AMN: variants seen among roughly 807,000 people sequenced by gnomAD.
AMN encodes the protein protein amnionless.
A neutral mutation model predicts 49.1 loss-of-function variants in AMN; 40 were observed. The observed-to-expected ratio is 0.81, with a 90% CI of 0.63 to 1.06. The LOEUF is 1.06. Among genes scored for constraint, AMN ranks in the 50% least tolerant of loss-of-function variants. The probability of loss-of-function intolerance (pLI) is 0.00; values close to 1 mark genes in which losing one functional copy is unlikely to be tolerated. For synonymous variants in AMN, 380 were observed against 313.3 expected (o/e 1.21, Z -2.25); for missense variants, 701 against 662.8 (o/e 1.06, Z -0.63).
rs1263301802 is a variant in AMN at position 102,929,235 on chromosome 14, G to A, written c.628G>A (p.Gly210Ser). The A allele has an allele frequency of 2.0e-6, 3 of 1,517,176 alleles. No individual in the cohort carries two copies. The highest frequency in any genetic ancestry group is 2.6e-6 in the Non-Finnish European group (3 of 1,142,808). 94.0% of individuals were successfully genotyped at this position (1,517,176 alleles called of 1,614,324 possible). ...CCCCGAGGACTGCGCGGACCCGTCG[G>A]GCTGCGTCTGCGGCAACGCGGAGGT... is the stretch of plus-strand genomic sequence containing the variant. ...VGPEDCADPS[G>S]CVCGNAEAQP... The change falls in exon 6 of 12, where the codon GGC becomes AGC. Residue 210 changes from glycine (G) to serine (S), a missense_variant. Physicochemically the swap from Gly to Ser is moderately conservative, Grantham distance 56 (BLOSUM62 0). Transcript: ENST00000299155.
At position 102,930,300 on chromosome 14, in the gene AMN, C is replaced by CG; in HGVS notation, c.1143dup (p.Leu382AlafsTer?). On this transcript the variant is annotated frameshift_variant, in exon 10 of 12. Coordinates refer to ENST00000299155, the MANE Select transcript of AMN (RefSeq NM_030943.4). LOFTEE classifies it high-confidence loss of function. Reference sequence around the variant, plus strand: ...CTGCTGGTCCTGCTGGTGGCGCCGCCGCTGCTGCGCCGCGCGGGGAGGCTC... The same window carrying CG: ...CTGCTGGTCCTGCTGGTGGCGCCGCCGGCTGCTGCGCCGCGCGGGGAGGCTC... 2.9e-6 allele frequency: 4 copies of CG among 1,365,466 alleles called. No individual in the cohort carries two copies. Among genetic ancestry groups the CG allele is most frequent in the Non-Finnish European group, 3.7e-6 (4 of 1,067,382 alleles). The allele number at this position is 1,365,466 out of a possible 1,614,324, so 84.6% of individuals were successfully genotyped here. A position where few individuals can be genotyped will look rare whatever the true frequency, so the allele number is the denominator to read the frequency against.
chr14:102,929,311 C>T, intron 6 of AMN, 53 bp downstream of exon 6: 1 of 1,453,682 alleles, frequency 6.9e-7, no homozygotes, highest in East Asian at 2.6e-5. Context: ...CGGGACTGTG[C>T]CCGGGACAGG....
At position 102,930,830 on chromosome 14, in the gene AMN, G is replaced by C; in HGVS notation, c.*150G>C. The C allele has an allele frequency of 1.1e-6, 1 of 886,044 alleles. No homozygotes were observed. Among genetic ancestry groups the C allele is most frequent in the Non-Finnish European group, 1.8e-6 (1 of 564,576 alleles). 54.9% of individuals were successfully genotyped at this position (886,044 alleles called of 1,614,324 possible). On this transcript the variant is annotated 3_prime_UTR_variant, in exon 12 of 12. Transcript: ENST00000299155. Reference sequence around the variant, plus strand: ...GGACAGGGTGGCCTTACTCAGTAAAGGTGTTTCCTGCACCTGCTGTCAGCC... The same window carrying C: ...GGACAGGGTGGCCTTACTCAGTAAACGTGTTTCCTGCACCTGCTGTCAGCC...
Position 102,930,637 on chromosome 14 carries a change from A to C in AMN, c.1319A>C (p.Tyr440Ser). The change falls in exon 12 of 12, where the codon TAC becomes TCC. Residue 440 changes from tyrosine to serine, a missense_variant. By Grantham distance (144) the Tyr-to-Ser change is moderately radical. Coordinates refer to ENST00000299155, the MANE Select transcript of AMN (RefSeq NM_030943.4). ...KAAADSTSHS[Y>S]FVNPLFAGAE... ...GCCGCAGACAGCACCAGCCACAGTT[A>C]CTTCGTCAACCCTCTGTTCGCCGGG... is the stretch of plus-strand genomic sequence containing the variant. 1 of 1,601,346 alleles carries C rather than the reference A, an allele frequency of 6.2e-7. No homozygotes were observed. The highest frequency in any genetic ancestry group is 8.5e-7 in the Non-Finnish European group (1 of 1,175,274).
Position 102,928,905 on chromosome 14 carries a change from C to T in AMN, c.443C>T (p.Ala148Val), listed in dbSNP as rs1483695955. The change falls in exon 5 of 12, where the codon GCC becomes GTC. Residue 148 changes from alanine to valine, a missense_variant. Ala to Val is a moderately conservative substitution (Grantham distance 64, BLOSUM62 0). Transcript: ENST00000299155. ...RHDDVFFPPS[A>V]SFRVGLGPGA... ...GACGACGTCTTCTTTCCGCCTAGTG[C>T]CTCCTTCCGCGTGGGGCTCGGCCCT... 1.9e-6 allele frequency: 3 copies of T among 1,602,800 alleles called. No individual in the cohort carries two copies. Among genetic ancestry groups the T allele is most frequent in the South Asian group, 1.1e-5 (1 of 91,080 alleles).
rs1362299073 is a variant in AMN at position 102,930,190 on chromosome 14, G to A, written c.1032G>A (p.Ala344=). The change falls in exon 10 of 12, where the codon GCG becomes GCA. Residue 344 remains alanine, a synonymous_variant. Transcript: ENST00000299155. The stretch of plus-strand genomic sequence containing the variant: ...GCGAGGCCCTCGGCGTCCTGGAGGC[G>A]ACCATGCGGGAGTCGGGCGCACACG... ...ENGEALGVLE[A]TMRESGAHVW... is the part of the protein sequence containing the mutation. 4 of 1,480,182 alleles carry A rather than the reference G, an allele frequency of 2.7e-6. No individual in the cohort carries two copies. The highest frequency in any genetic ancestry group is 3.6e-6 in the Non-Finnish European group (4 of 1,122,354). 91.7% of individuals were successfully genotyped at this position (1,480,182 alleles called of 1,614,324 possible). A position where few individuals can be genotyped will look rare whatever the true frequency, so the allele number is the denominator to read the frequency against.
rs1891277099 is a variant in AMN, at chr14:102,929,425, C to G, written c.652-3C>G. On this transcript the variant is annotated splice_region_variant and splice_polypyrimidine_tract_variant and intron_variant, in intron 6 of 11. Transcript: ENST00000299155. ...CCGCGCTGACCACCGCCCCTCGCAC[C>G]AGGCGCAGCCGTGGATCTGCGCGGC... 2 of 1,530,326 alleles carry G rather than the reference C, an allele frequency of 1.3e-6. No homozygotes were observed. The highest frequency in any genetic ancestry group is 1.7e-6 in the Non-Finnish European group (2 of 1,145,072). The allele number at this position is 1,530,326 out of a possible 1,614,324, so 94.8% of individuals were successfully genotyped here. A position where few individuals can be genotyped will look rare whatever the true frequency, so the allele number is the denominator to read the frequency against.
chr14:102,924,875 A>G (rs1891151773), intron 3 of AMN, among the ~76,000 whole-genome samples: 1 of 151,980 alleles, frequency 6.6e-6, no homozygotes, highest in African/African-American at 2.4e-5. Flanking sequence ...CGGGTGGAGC[A>G]AGGAACGGTT....
intron 1 of AMN, chr14:102,923,458 A>G: frequency 2.0e-6 from 1 of 507,264 alleles, no homozygotes; most frequent in Non-Finnish European, 3.6e-6. Flanking sequence ...GAGGCTATCT[A>G]GGCAGGCGTC....
At position 102,923,965 on chromosome 14, in the gene AMN, G is replaced by A. The variant is rs866956966; in HGVS notation, c.193G>A (p.Ala65Thr). ...MVSVLVQEGH[A>T]VSDMLLPLDG... ...GTCAGTCCTGGTGCAAGAAGGTCACGCCGTCTCAGACATGGTAAGGCCGGG... is the reference window on the plus strand; with the variant it reads ...GTCAGTCCTGGTGCAAGAAGGTCACACCGTCTCAGACATGGTAAGGCCGGG... Residue 65 changes from alanine to threonine, a missense_variant, in exon 3 of 12, where the codon GCC becomes ACC. By Grantham distance (58) the Ala-to-Thr change is moderately conservative (BLOSUM62 0). Coordinates refer to ENST00000299155, the MANE Select transcript of AMN (RefSeq NM_030943.4). The A allele has an allele frequency of 3.1e-6, 5 of 1,613,146 alleles. No individual in the cohort carries two copies. In the Middle Eastern group the frequency reaches 4.9e-4, roughly 159 times the overall value.
chr14:102,928,580 C>T (rs913872437), intron 4 of AMN, 67 bp downstream of exon 4: 1 of 1,535,878 alleles, frequency 6.5e-7, no homozygotes, highest in South Asian at 1.2e-5. Context: ...GGAGGGAAGG[C>T]GCGTCGAGGG....
intron 4 of AMN, 100 bp downstream of exon 4, chr14:102,928,613 G>C: frequency 6.7e-7 from 1 of 1,482,172 alleles, no homozygotes; most frequent in Non-Finnish European, 9.1e-7. Context: ...GAGGGAGGGC[G>C]CCTCCGGGGG....
At chr14:102,924,921 AT>A (rs2139303032) in intron 3 of AMN, among the ~76,000 whole-genome samples, 1 of 152,274 alleles carries the variant, frequency 6.6e-6, no homozygotes, top group East Asian at 1.9e-4. Flanking sequence ...AAAAAGAACA[AT>A]CTTTTGTGGC....
intron 6 of AMN, 28 bp downstream of exon 6, chr14:102,929,286 G>C: frequency 3.5e-6 from 5 of 1,436,044 alleles, no homozygotes; most frequent in Non-Finnish European, 4.5e-6. Context: ...GGAGTCGCGG[G>C]GGCCGCGCGA....
In AMN at chr14:102,923,819, C is replaced by T. The variant is rs747402473; in HGVS notation, c.152C>T (p.Pro51Leu). ...TGCGCCGGCGGCGCCGTTGAGTTCC[C>T]GGCGGACAAGGTGCCTGGGAGCGCC... ...TPCAGGAVEF[P>L]ADKMVSVLVQ... Residue 51 changes from proline to leucine, a missense_variant, in exon 2 of 12, where the codon CCG (proline) becomes CTG (leucine). Transcript: ENST00000299155. The T allele has an allele frequency of 2.5e-6, 4 of 1,612,478 alleles. No homozygotes were observed. Among genetic ancestry groups the T allele is most frequent in the South Asian group, 1.1e-5 (1 of 91,052 alleles).
At chr14:102,923,081 A>G in intron 1 of AMN, 1 of 299,308 alleles carries the variant, frequency 3.3e-6, no homozygotes, top group Non-Finnish European at 6.3e-6. Context: ...GGGGCTCGGC[A>G]GACCGCCTCA....
In AMN at chr14:102,923,836, G is replaced by A; in HGVS notation, c.162+7G>A. 6.2e-7 allele frequency: 1 copy of A among 1,612,500 alleles called. No homozygotes were observed. Among genetic ancestry groups the A allele is most frequent in the South Asian group, 1.1e-5 (1 of 91,044 alleles). ...TGAGTTCCCGGCGGACAAGGTGCCT[G>A]GGAGCGCCGGCGGGGTCGGTGATGG... is the stretch of plus-strand genomic sequence containing the variant. On this transcript the variant is annotated splice_region_variant and intron_variant, in intron 2 of 11. Transcript: ENST00000299155.
At chr14:102,925,237 C>A (rs1891159163) in intron 3 of AMN, among the ~76,000 whole-genome samples, 1 of 152,250 alleles carries the variant, frequency 6.6e-6, no homozygotes. Flanking sequence ...ATGTGGGGTC[C>A]AGGCCTGGGG....
At chr14:102,922,934 G>A (rs1024306768) in intron 1 of AMN, 15 of 714,406 alleles carry the variant, frequency 2.1e-5, no homozygotes, top group Middle Eastern at 4.1e-4. Context: ...TGCATCGGGC[G>A]GTGCGGGAGA....
Sources: allele counts gnomAD v4.1 joint callset (sites outside exome capture counted in the v4.1 genomes callset), GRCh38; gene constraint gnomAD v4.1.1; transcripts MANE v1.5; gene names NCBI Gene and HGNC (gene_info 2026-07-23, HGNC 2026-07-21).